Variants in TMEM87A observed in about 807,000 individuals in gnomAD.
TMEM87A encodes transmembrane protein 87A, also known as Golgi-pH regulating cation channel.
A neutral mutation model predicts 90.0 loss-of-function variants in TMEM87A; 50 were observed. The observed-to-expected ratio is 0.56, with a 90% CI of 0.44 to 0.70. TMEM87A has a LOEUF of 0.70. Ranked by LOEUF, TMEM87A falls within the 30% of genes least tolerant of loss-of-function variation. The pLI, the probability that TMEM87A is intolerant of heterozygous loss-of-function variation, is 0.00. For missense variants in TMEM87A, 577 were observed against 660.5 expected (o/e 0.87, Z 1.39); for synonymous variants, 226 against 226.7 (o/e 1.00, Z 0.03).
chr15:42,262,294 T>C (rs891879656), intron 4 of TMEM87A: 3 of 152,286 alleles, frequency 2.0e-5, no homozygotes, highest in Non-Finnish European at 4.4e-5. Flanking sequence ...CTACACAACA[T>C]CACATTGCTT....
At chr15:42,213,354 C>T (rs2050326242) in intron 19 of TMEM87A, among the ~76,000 whole-genome samples, 1 of 152,206 alleles carries the variant, frequency 6.6e-6, no homozygotes, top group Non-Finnish European at 1.5e-5. Flanking sequence ...ACAGCCGCTC[C>T]CCCAGCTCAG....
chr15:42,272,189 T>C (rs2051547102), intron 1 of TMEM87A, 66 bp from the exon 2 acceptor site: 1 of 1,161,692 alleles, frequency 8.6e-7, no homozygotes, highest in Non-Finnish European at 1.3e-6. Context: ...CATATAACTA[T>C]CTAAGACTGC....
At chr15:42,259,959 C>G (rs1440251428) in intron 6 of TMEM87A, among the ~76,000 whole-genome samples, 1 of 152,076 alleles carries the variant, frequency 6.6e-6, no homozygotes, top group East Asian at 1.9e-4. Context: ...AGGAGAAATG[C>G]GGAGTGACTG....
rs146957879 is a variant in TMEM87A at position 42,252,027 on chromosome 15, C to T, written c.505-7860G>A. ...ACTGCTGCACTTGCAGTGAGCAAGG[C>T]TCCGTGGGCGTGGGACCCGCTGAGC... is the stretch of plus-strand genomic sequence containing the variant. On this transcript the variant is annotated intron_variant, in intron 6 of 19. Transcript: ENST00000389834. Among the ~76,000 whole-genome samples the T allele has an allele frequency of 5.9e-5, 9 of 152,368 alleles. No homozygotes were observed. In the East Asian group the frequency reaches 1.7e-3, roughly 29 times the overall value.
At chr15:42,227,607 A>T in intron 14 of TMEM87A, 104 bp downstream of exon 14, 3 of 1,002,838 alleles carry the variant, frequency 3.0e-6, no homozygotes, top group East Asian at 2.6e-5. Flanking sequence ...ACCTAGCTCT[A>T]ATTTTTTATA....
Position 42,215,423 on chromosome 15 carries a change from C to A in TMEM87A, c.1626+2380G>T, listed in dbSNP as rs116305507. On this transcript the variant is annotated intron_variant, in intron 19 of 19. Transcript: ENST00000389834. ...GGCTGAGGCAGGAGAATGGCGTGAA[C>A]CCGGAGGTTCTTATGGGACCACTGT... is the stretch of plus-strand genomic sequence containing the variant. Among the ~76,000 whole-genome samples, 1,089 of 152,212 alleles carry A rather than the reference C, an allele frequency of 7.2e-3. 11 individuals carry two copies. Among genetic ancestry groups the A allele is most frequent in the African/African-American group, 0.025 (1,054 of 41,502 alleles).
In TMEM87A at chr15:42,256,944, G is replaced by A. The variant is rs946128227; in HGVS notation, c.504+4014C>T. ...TATTGCCCAGGGTGGTCTCAAACTC[G>A]TAAGCTCTAGCGATCTGCCTGCTGT... On this transcript the variant is annotated intron_variant, in intron 6 of 19. Transcript: ENST00000389834. Among the ~76,000 whole-genome samples the A allele has an allele frequency of 5.3e-5, 8 of 152,066 alleles. No homozygotes were observed. In the East Asian group the frequency reaches 7.7e-4, roughly 15 times the overall value.
At chr15:42,238,632 C>T (rs1595725025) in intron 8 of TMEM87A, among the ~76,000 whole-genome samples, 1 of 151,972 alleles carries the variant, frequency 6.6e-6, no homozygotes, top group African/African-American at 2.4e-5. Context: ...GCCTGTTGTC[C>T]TAGCTGCTTG....
chr15:42,231,928 C>A (rs985557351), intron 11 of TMEM87A: 2 of 1,251,508 alleles, frequency 1.6e-6, no homozygotes, highest in African/African-American at 1.6e-5. Flanking sequence ...ATAGCAACAG[C>A]AGAAGAAAGA....
intron 7 of TMEM87A, among the ~76,000 whole-genome samples, chr15:42,241,853 A>T (rs1160678496): frequency 6.6e-6 from 1 of 152,088 alleles, no homozygotes; most frequent in Non-Finnish European, 1.5e-5. Flanking sequence ...AGTAGATTTA[A>T]TAATTTAGCA....
intron 19 of TMEM87A, among the ~76,000 whole-genome samples, chr15:42,212,791 A>T (rs2050314332): frequency 6.6e-6 from 1 of 152,170 alleles, no homozygotes; most frequent in Non-Finnish European, 1.5e-5. Flanking sequence ...GCTCCCAAAG[A>T]TGTTGTTGAA....
At chr15:42,242,783 A>T (rs974145170) in intron 7 of TMEM87A, among the ~76,000 whole-genome samples, 17 of 152,206 alleles carry the variant, frequency 1.1e-4, no homozygotes, top group African/African-American at 3.9e-4. Context: ...CATTTTTTTT[A>T]AAAAAGGAAA....
At chr15:42,217,537 T>C (rs1407514444) in intron 19 of TMEM87A, among the ~76,000 whole-genome samples, 1 of 152,196 alleles carries the variant, frequency 6.6e-6, no homozygotes, top group South Asian at 2.1e-4. Flanking sequence ...GAGTACTGTA[T>C]TTACTACCCA....
At chr15:42,220,335 T>C (rs2050454755) in intron 15 of TMEM87A, among the ~76,000 whole-genome samples, 200 bp from the exon 16 acceptor site, 1 of 152,230 alleles carries the variant, frequency 6.6e-6, no homozygotes, top group South Asian at 2.1e-4. Context: ...ATCATATTTA[T>C]GAGTGCAGGC....
chr15:42,265,371 ATTATC>A (rs2140986517), intron 3 of TMEM87A, among the ~76,000 whole-genome samples: 1 of 152,048 alleles, frequency 6.6e-6, no homozygotes, highest in African/African-American at 2.4e-5. Context: ...GCCAGCATCT[ATTATC>A]CTTTGACTTT....
rs565380902 is a variant in TMEM87A, at chr15:42,262,584, C to T, written c.406-1335G>A. Among the ~76,000 whole-genome samples, 20 of 151,966 alleles carry T rather than the reference C, an allele frequency of 1.3e-4. 1 individual carries two copies. The highest frequency in any genetic ancestry group is 4.6e-4 in the Admixed American group (7 of 15,250). ...GATTACAGGTACCCGCCACCATGCC[C>T]GGCTAATTTTTTTGTAGAGACAGGG... On this transcript the variant is annotated intron_variant, in intron 4 of 19. Coordinates refer to ENST00000389834, the MANE Select transcript of TMEM87A (RefSeq NM_015497.5).
chr15:42,218,244 T>C, intron 18 of TMEM87A, 79 bp downstream of exon 18: 1 of 1,374,144 alleles, frequency 7.3e-7, no homozygotes, highest in South Asian at 1.2e-5. Context: ...TTCATGAGTA[T>C]AACTTGCTCA....
At chr15:42,255,902 T>C (rs1021653921) in intron 6 of TMEM87A, among the ~76,000 whole-genome samples, 1 of 151,486 alleles carries the variant, frequency 6.6e-6, no homozygotes, top group African/African-American at 2.4e-5. Context: ...CCCAAGTAGC[T>C]GGGATTATAG....
rs75643198 is a variant in TMEM87A at position 42,226,034 on chromosome 15, G to A, written c.1403+772C>T. On this transcript the variant is annotated intron_variant, in intron 15 of 19. Transcript: ENST00000389834. Reference sequence around the variant, plus strand: ...CATTTTTTTTTTGAGAGGGAGTCTCGCTCTGTCACCTATGCTGTGCAGTGG... The same window carrying A: ...CATTTTTTTTTTGAGAGGGAGTCTCACTCTGTCACCTATGCTGTGCAGTGG... Among the ~76,000 whole-genome samples, 486 of 151,810 alleles carry A rather than the reference G, an allele frequency of 3.2e-3. 22 individuals carry two copies. In the East Asian group the frequency reaches 0.086, roughly 27 times the overall value.
Sources: gnomAD v4.1 joint callset for allele counts (sites outside exome capture counted in the v4.1 genomes callset) on GRCh38, gnomAD v4.1.1 for gene constraint, MANE v1.5 for transcripts, NCBI Gene and HGNC (gene_info 2026-07-23, HGNC 2026-07-21) for gene names.